The following PPP1R3B variants were observed in gnomAD, a reference collection of about 807,000 sequenced individuals.
The protein encoded by PPP1R3B is PP1 subunit R4.
A neutral mutation model predicts 14.6 loss-of-function variants in PPP1R3B; 8 were observed. The ratio of observed to expected loss-of-function variants is 0.55; its 90% confidence interval spans 0.32 to 0.99. The LOEUF (loss-of-function observed/expected upper bound fraction) is 0.99, where lower values mean the gene tolerates loss of function less well. Ranked by LOEUF, PPP1R3B falls within the 50% of genes least tolerant of loss-of-function variation. PPP1R3B has a pLI of 0.04. For missense variants in PPP1R3B, 452 were observed against 360.1 expected (o/e 1.26, Z -2.07); for synonymous variants, 169 against 142.0 (o/e 1.19, Z -1.35).
rs1458156511 is a variant in PPP1R3B, at chr8:9,140,717, C to A, written c.*77G>T. On this transcript the variant is annotated 3_prime_UTR_variant, in exon 2 of 2. Transcript: ENST00000310455. The stretch of plus-strand genomic sequence containing the variant: ...GAAGTTCCACGTTGCTCCTCCCTGG[C>A]CTTCCATCTCCACTGCACAGTGAGC... 1.3e-5 allele frequency: 19 copies of A among 1,479,142 alleles called. No homozygotes were observed. The East Asian group carries it at 4.1e-4, about 32-fold the overall frequency. 91.6% of individuals were successfully genotyped at this position (1,479,142 alleles called of 1,614,324 possible).
intron 1 of PPP1R3B, among the ~76,000 whole-genome samples, chr8:9,147,328 A>C (rs1287559132): frequency 2.0e-5 from 3 of 152,032 alleles, no homozygotes; most frequent in African/African-American, 7.2e-5. Flanking sequence ...CGAAAACCAA[A>C]CAAGAGGCTA....
chr8:9,149,763 C>G (rs330929), intron 1 of PPP1R3B, among the ~76,000 whole-genome samples: 1 of 152,090 alleles, frequency 6.6e-6, no homozygotes, highest in African/African-American at 2.4e-5. Context: ...CTTAAAGGCT[C>G]CTTGTACCCC....
rs1389901918 is a variant in PPP1R3B, at chr8:9,139,477, T to A, written c.*1317A>T. ...CCATTTTCTGAAGGTTTCGAGGAGA[T>A]ATTGGATATGCAAATCAAATGTCCT... On this transcript the variant is annotated 3_prime_UTR_variant, in exon 2 of 2. Coordinates refer to ENST00000310455, the MANE Select transcript of PPP1R3B (RefSeq NM_024607.4). 6.6e-6 allele frequency: 1 copy of A among 152,230 alleles called. No individual in the cohort carries two copies. The highest frequency in any genetic ancestry group is 2.4e-5 in the African/African-American group (1 of 41,460). 9.4% of individuals were successfully genotyped at this position (152,230 alleles called of 1,614,324 possible).
Position 9,136,904 on chromosome 8 carries a change from CTTT to C in PPP1R3B, c.*3887_*3889del, listed in dbSNP as rs1241862645. ...AATGGGCAGTTCCAAAAAAGGAACA[CTTT>C]TTTGATTGATAAGCATATATGGCCC... On this transcript the variant is annotated 3_prime_UTR_variant, in exon 2 of 2. Transcript: ENST00000310455. 6.6e-6 allele frequency: 1 copy of C among 152,182 alleles called. No individual in the cohort carries two copies. Among genetic ancestry groups the C allele is most frequent in the Non-Finnish European group, 1.5e-5 (1 of 68,030 alleles). 9.4% of individuals were successfully genotyped at this position (152,182 alleles called of 1,614,324 possible).
intron 1 of PPP1R3B, among the ~76,000 whole-genome samples, chr8:9,146,056 G>C (rs770318051): frequency 2.0e-5 from 3 of 151,786 alleles, no homozygotes; most frequent in Non-Finnish European, 4.4e-5. Flanking sequence ...TTTTATAGAG[G>C]CAGGGTTTCA....
In PPP1R3B at chr8:9,137,943, A is replaced by C. The variant is rs1261191600; in HGVS notation, c.*2851T>G. The C allele has an allele frequency of 2.6e-5, 4 of 152,194 alleles. No individual in the cohort carries two copies. Among genetic ancestry groups the C allele is most frequent in the African/African-American group, 9.7e-5 (4 of 41,436 alleles). 9.4% of individuals were successfully genotyped at this position (152,194 alleles called of 1,614,324 possible). ...GGCTGCTTTAGAAGAGATAGTTATCACTGAATTACCATATTTCAAATTTTG... is the reference window on the plus strand; with the variant it reads ...GGCTGCTTTAGAAGAGATAGTTATCCCTGAATTACCATATTTCAAATTTTG... On this transcript the variant is annotated 3_prime_UTR_variant, in exon 2 of 2. Transcript: ENST00000310455.
At chr8:9,142,386 C>G (rs1801116979) in intron 1 of PPP1R3B, 1 of 152,216 alleles carries the variant, frequency 6.6e-6, no homozygotes, top group African/African-American at 2.4e-5. Context: ...GTGAGCCTCT[C>G]TGCCTCTCTT....
rs796567998 is a variant in PPP1R3B at position 9,142,946 on chromosome 8, G to C, written c.-17-1278C>G. On this transcript the variant is annotated intron_variant, in intron 1 of 1. Transcript: ENST00000310455. ...TAGGTTGATTCCGTATCTTGGCTTA[G>C]TGAATAACGCTGCAATGAACATAAG... Among the ~76,000 whole-genome samples the C allele has an allele frequency of 1.3e-5, 2 of 152,258 alleles. 1 individual carries two copies. The highest frequency in any genetic ancestry group is 4.8e-5 in the African/African-American group (2 of 41,542).
rs187093130 is a variant in PPP1R3B, at chr8:9,138,500, A to C, written c.*2294T>G. On this transcript the variant is annotated 3_prime_UTR_variant, in exon 2 of 2. Transcript: ENST00000310455. ...CTTCAGAAATGAAAACAAAACCAAAACAAAACAACAACAAAAACAACCTAA... is the reference window on the plus strand; with the variant it reads ...CTTCAGAAATGAAAACAAAACCAAACCAAAACAACAACAAAAACAACCTAA... 200 of 152,390 alleles carry C rather than the reference A, an allele frequency of 1.3e-3. No homozygotes were observed. The highest frequency in any genetic ancestry group is 4.6e-3 in the African/African-American group (193 of 41,576). 9.4% of individuals were successfully genotyped at this position (152,390 alleles called of 1,614,324 possible). A position where few individuals can be genotyped will look rare whatever the true frequency, so the allele number is the denominator to read the frequency against.
At chr8:9,146,504 A>G (rs1399810904) in intron 1 of PPP1R3B, among the ~76,000 whole-genome samples, 2 of 151,782 alleles carry the variant, frequency 1.3e-5, no homozygotes, top group Non-Finnish European at 2.9e-5. Context: ...ATGTAAAGAA[A>G]AAAGGTGAAC....
chr8:9,145,285 CG>C (rs1359767696), intron 1 of PPP1R3B: 1 of 152,186 alleles, frequency 6.6e-6, no homozygotes, highest in African/African-American at 2.4e-5. Context: ...CTGCCTCTGC[CG>C]CCCTGAGACA....
chr8:9,143,663 T>C (rs1227813238), intron 1 of PPP1R3B, among the ~76,000 whole-genome samples: 2 of 151,848 alleles, frequency 1.3e-5, no homozygotes, highest in African/African-American at 4.8e-5. Context: ...GATCACACAC[T>C]CCAGCCTGGG....
chr8:9,150,180 C>A (rs945329538), intron 1 of PPP1R3B, among the ~76,000 whole-genome samples: 2 of 152,194 alleles, frequency 1.3e-5, no homozygotes, highest in Non-Finnish European at 2.9e-5. Context: ...CAGACCAAAG[C>A]TCTAATTGTC....
intron 1 of PPP1R3B, among the ~76,000 whole-genome samples, chr8:9,145,843 A>G (rs1801225196): frequency 2.6e-5 from 4 of 152,050 alleles, no homozygotes; most frequent in Admixed American, 2.6e-4. Flanking sequence ...CCAAAAACCC[A>G]TCCCATCACT....
Position 9,141,667 on chromosome 8 carries a change from G to C in PPP1R3B, c.-16C>G. ...CAGCCATCATGGGGCTAGATGAACA[G>C]GCTAGAACCGTGGAAAGGGAAGAGA... On this transcript the variant is annotated splice_region_variant and 5_prime_UTR_variant, in exon 2 of 2. Transcript: ENST00000310455. The C allele has an allele frequency of 6.2e-7, 1 of 1,603,818 alleles. No individual in the cohort carries two copies. Among genetic ancestry groups the C allele is most frequent in the Non-Finnish European group, 8.5e-7 (1 of 1,172,522 alleles).
rs1800947493 is a variant in PPP1R3B at position 9,138,031 on chromosome 8, C to G, written c.*2763G>C. ...AAACTGACTTTATTAAACAGAGTCA[C>G]TTCAGGCCTTTTTCTTATGAACAGA... On this transcript the variant is annotated 3_prime_UTR_variant, in exon 2 of 2. Transcript: ENST00000310455. 6.6e-6 allele frequency: 1 copy of G among 152,186 alleles called. No homozygotes were observed. The highest frequency in any genetic ancestry group is 1.5e-5 in the Non-Finnish European group (1 of 68,034). 9.4% of individuals were successfully genotyped at this position (152,186 alleles called of 1,614,324 possible). A position where few individuals can be genotyped will look rare whatever the true frequency, so the allele number is the denominator to read the frequency against.
At chr8:9,147,837 C>A (rs186065758) in intron 1 of PPP1R3B, among the ~76,000 whole-genome samples, 4 of 152,176 alleles carry the variant, frequency 2.6e-5, no homozygotes, top group Non-Finnish European at 5.9e-5. Flanking sequence ...TTACAAGATT[C>A]TTCCATGAAA....
intron 1 of PPP1R3B, among the ~76,000 whole-genome samples, chr8:9,146,457 C>T (rs115486173): frequency 1.3e-5 from 2 of 152,198 alleles, no homozygotes; most frequent in South Asian, 2.1e-4. Flanking sequence ...CTATAAATAA[C>T]CTCTCATTTT....
upstream of PPP1R3B, chr8:9,150,738 G>C (rs796377680): frequency 2.6e-5 from 4 of 152,326 alleles, no homozygotes; most frequent in African/African-American, 7.2e-5. Flanking sequence ...GCCCGTTATC[G>C]CACCCGGGCG....
Sources: gnomAD v4.1 joint callset for allele counts (sites outside exome capture counted in the v4.1 genomes callset) on GRCh38, gnomAD v4.1.1 for gene constraint, MANE v1.5 for transcripts, NCBI Gene and HGNC (gene_info 2026-07-23, HGNC 2026-07-21) for gene names.